The following UNC13B variants were observed in gnomAD, a reference collection of about 807,000 sequenced individuals.
The protein encoded by UNC13B is protein unc-13 homolog B.
UNC13B carries 144 observed loss-of-function variants against 211.0 expected under a neutral mutation model. The observed-to-expected ratio is 0.68, with a 90% CI of 0.60 to 0.78. The LOEUF (loss-of-function observed/expected upper bound fraction) is 0.78. Among genes scored for constraint, UNC13B ranks in the 30% least tolerant of loss-of-function variants. The probability of loss-of-function intolerance (pLI) is 0.00; values close to 1 mark genes in which losing one functional copy is unlikely to be tolerated. For missense variants in UNC13B, 1,777 were observed against 2,002.0 expected, an observed-to-expected ratio of 0.89 and a Z score of 2.14; for synonymous variants, 709 against 725.8, an observed-to-expected ratio of 0.98 and a Z score of 0.37.
At chr9:35,362,568 G>A (rs904627106) in intron 11 of UNC13B, among the ~76,000 whole-genome samples, 1 of 152,196 alleles carries the variant, frequency 6.6e-6, no homozygotes, top group Non-Finnish European at 1.5e-5. Context: ...CCAGCACTTT[G>A]GGAGGCCGAG....
rs149145175 is a variant in UNC13B at position 35,313,625 on chromosome 9, A to AAAATAAATAAATAAAT, written c.9324-238_9324-223dup. On this transcript the variant is annotated intron_variant, in intron 10 of 39. Coordinates refer to ENST00000635942, the MANE Select transcript of UNC13B (RefSeq NM_001371189.2). ...AGGCAACAGGGTGAGACCCTGTCTC[A>AAAATAAATAAATAAAT]AAATAAATAAATAAATAAATAAATA... 1.8e-3 allele frequency among the ~76,000 whole-genome samples: 247 copies of AAAATAAATAAATAAAT among 134,042 alleles called. 2 individuals are homozygous for AAAATAAATAAATAAAT. Among genetic ancestry groups the AAAATAAATAAATAAAT allele is most frequent in the African/African-American group, 3.8e-3 (137 of 36,350 alleles). The allele number at this position is 134,042 out of a possible 152,430, so 87.9% of individuals were successfully genotyped here. A position where few individuals can be genotyped will look rare whatever the true frequency, so the allele number is the denominator to read the frequency against.
chr9:35,331,282 T>A (rs1222328654), intron 11 of UNC13B, among the ~76,000 whole-genome samples: 4 of 152,242 alleles, frequency 2.6e-5, no homozygotes, highest in African/African-American at 9.6e-5. Flanking sequence ...AAGGTCTCGC[T>A]CTGTCACCCA....
intron 1 of UNC13B, among the ~76,000 whole-genome samples, chr9:35,170,196 C>T (rs535411695): frequency 2.0e-5 from 3 of 151,752 alleles, no homozygotes; most frequent in African/African-American, 7.3e-5. Context: ...GATGGAGTCT[C>T]GTTCTGTTGC....
At chr9:35,352,609 T>C (rs1234160390) in intron 11 of UNC13B, 1 of 1,231,906 alleles carries the variant, frequency 8.1e-7, no homozygotes, top group East Asian at 3.2e-5. Context: ...AGGCTCAGGA[T>C]CAACAGAGAG....
intron 7 of UNC13B, among the ~76,000 whole-genome samples, chr9:35,263,342 T>TAA (rs11305136): frequency 6.8e-6 from 1 of 147,088 alleles, no homozygotes; most frequent in African/African-American, 2.5e-5. Context: ...TGGAACTTGG[T>TAA]AAAAAAAAAA....
intron 7 of UNC13B, among the ~76,000 whole-genome samples, chr9:35,286,285 G>A (rs1171462404): frequency 1.4e-5 from 2 of 145,358 alleles, no homozygotes; most frequent in South Asian, 2.2e-4. Flanking sequence ...AGGCTGGAGT[G>A]CAGTGGCTGT....
intron 3 of UNC13B, among the ~76,000 whole-genome samples, chr9:35,234,166 A>G (rs568486848): frequency 6.6e-6 from 1 of 152,042 alleles, no homozygotes; most frequent in Non-Finnish European, 1.5e-5. Flanking sequence ...CCCAGGCTGG[A>G]GTGCAGTGGC....
At chr9:35,176,765 GT>G (rs1821659676) in intron 1 of UNC13B, among the ~76,000 whole-genome samples, 1 of 152,128 alleles carries the variant, frequency 6.6e-6, no homozygotes, top group Non-Finnish European at 1.5e-5. Flanking sequence ...ATAAACGAGA[GT>G]ACATGTTATT....
chr9:35,398,324 C>T lies in UNC13B; in HGVS notation c.11832+36C>T, dbSNP rs763346314. ...GGGTTTGGGAGTCACTGTATTTTCC[C>T]TTTATTCCTGAGCTCCTTGGCCATA... On this transcript the variant is annotated intron_variant, in intron 31 of 39. Coordinates refer to ENST00000635942, the MANE Select transcript of UNC13B (RefSeq NM_001371189.2). 1.1e-5 allele frequency: 17 copies of T among 1,597,820 alleles called. No homozygotes were observed. The South Asian group carries it at 1.9e-4, about 18-fold the overall frequency.
At chr9:35,203,233 T>G (rs548289113) in intron 1 of UNC13B, among the ~76,000 whole-genome samples, 2 of 152,238 alleles carry the variant, frequency 1.3e-5, no homozygotes, top group Non-Finnish European at 2.9e-5. Flanking sequence ...TGTTAGTTGA[T>G]GCAGTTTCTT....
At chr9:35,223,356 G>A (rs144000841) in intron 1 of UNC13B, among the ~76,000 whole-genome samples, 1 of 152,268 alleles carries the variant, frequency 6.6e-6, no homozygotes, top group African/African-American at 2.4e-5. Context: ...GCCAGCATCT[G>A]TTATATTTTG....
At chr9:35,172,070 GC>G (rs1821362420) in intron 1 of UNC13B, among the ~76,000 whole-genome samples, 1 of 150,796 alleles carries the variant, frequency 6.6e-6, no homozygotes. Context: ...GTCTCACTAT[GC>G]TGTCCAGGCA....
rs545261732 is a variant in UNC13B, at chr9:35,300,953, A to G, written c.1549A>G (p.Lys517Glu). The G allele has an allele frequency of 1.4e-4, 56 of 398,880 alleles. No homozygotes were observed. Among genetic ancestry groups the G allele is most frequent in the Non-Finnish European group, 2.3e-4 (53 of 226,040 alleles). 24.7% of individuals were successfully genotyped at this position (398,880 alleles called of 1,614,324 possible). ...GDQIPPLTIV[K>E]NDKDTAISFP... ...TCAAATACCACCTTTAACTATTGTC[A>G]AGAATGACAAGGACACGGCCATCTC... is the stretch of plus-strand genomic sequence containing the variant. The change falls in exon 9 of 40, where the codon AAG (lysine) becomes GAG (glutamate). Residue 517 changes from lysine (K) to glutamate (E), a missense_variant. Coordinates refer to ENST00000635942, the MANE Select transcript of UNC13B (RefSeq NM_001371189.2).
intron 7 of UNC13B, among the ~76,000 whole-genome samples, chr9:35,286,801 A>G (rs992322643): frequency 6.6e-6 from 1 of 152,190 alleles, no homozygotes; most frequent in Non-Finnish European, 1.5e-5. Flanking sequence ...TGGCAAACAC[A>G]TCCGTGTGCT....
chr9:35,291,144 T>C, intron 7 of UNC13B: 1 of 1,543,648 alleles, frequency 6.5e-7, no homozygotes, highest in South Asian at 1.2e-5. Context: ...TTCTTGATCT[T>C]ACCCACAAAG....
chr9:35,398,666 C>T (rs974341732), intron 32 of UNC13B, 24 bp downstream of exon 32: 35 of 1,611,678 alleles, frequency 2.2e-5, no homozygotes, highest in African/African-American at 2.7e-5. Flanking sequence ...CAATACAAGG[C>T]CCTCAGAGCC....
chr9:35,389,866 G>A lies in UNC13B; in HGVS notation c.11115G>A (p.Glu3705=), dbSNP rs756850801. 14 of 1,613,988 alleles carry A rather than the reference G, an allele frequency of 8.7e-6. No homozygotes were observed. In the Admixed American group the frequency reaches 2.2e-4, roughly 25 times the overall value. ...QYQLKQELPP[E]EQGPSIRNLD... ...TCAAGAAGCAGGAGCTACCTCCAGAGGAACAAGGGCCCAGCATTCGGAACC... is the reference window on the plus strand; with the variant it reads ...TCAAGAAGCAGGAGCTACCTCCAGAAGAACAAGGGCCCAGCATTCGGAACC... Residue 3705 remains glutamate, a synonymous_variant, in exon 25 of 40, where the codon GAG becomes GAA. Transcript: ENST00000635942.
chr9:35,281,307 TCGAGAGG>T (rs1244645574), intron 7 of UNC13B, among the ~76,000 whole-genome samples: 2 of 149,902 alleles, frequency 1.3e-5, no homozygotes, highest in South Asian at 4.2e-4. Flanking sequence ...TCGCAGCTAC[TCGAGAGG>T]CAGAGGTAGG....
intron 8 of UNC13B, among the ~76,000 whole-genome samples, chr9:35,297,649 A>G (rs912088733): frequency 6.3e-5 from 9 of 142,254 alleles, no homozygotes; most frequent in African/African-American, 2.4e-4. Context: ...TCCCGGGTTC[A>G]CGCCATTCTC....
Sources: gnomAD v4.1 joint callset for allele counts (sites outside exome capture counted in the v4.1 genomes callset) on GRCh38, gnomAD v4.1.1 for gene constraint, MANE v1.5 for transcripts, NCBI Gene and HGNC (gene_info 2026-07-23, HGNC 2026-07-21) for gene names.